MYRIP: variants seen among roughly 807,000 people sequenced by gnomAD.
The protein encoded by MYRIP is rab effector MyRIP.
Under a neutral mutation model 98.0 loss-of-function variants are expected in MYRIP, and 49 were observed. That is an observed-to-expected ratio of 0.50 (90% CI 0.40 to 0.63). The LOEUF (loss-of-function observed/expected upper bound fraction) is 0.63. Among genes scored for constraint, MYRIP ranks in the 30% least tolerant of loss-of-function variants. The pLI is 0.00. For missense variants in MYRIP, 1,004 were observed against 1,058.2 expected (o/e 0.95, Z 0.71); for synonymous variants, 404 against 409.5 (o/e 0.99, Z 0.16).
At chr3:40,160,875 C>T (rs1950376354) in intron 4 of MYRIP, among the ~76,000 whole-genome samples, 1 of 152,156 alleles carries the variant, frequency 6.6e-6, no homozygotes, top group Non-Finnish European at 1.5e-5. Flanking sequence ...ACACGGTGCG[C>T]ACACCCACTG....
intron 2 of MYRIP, among the ~76,000 whole-genome samples, chr3:40,023,725 GC>G (rs1003055819): frequency 6.6e-6 from 1 of 152,142 alleles, no homozygotes; most frequent in Admixed American, 6.5e-5. Context: ...CAAGCTTCCA[GC>G]CCCCTGTGCT....
chr3:39,873,035 T>C (rs1250432481), intron 1 of MYRIP, among the ~76,000 whole-genome samples: 1 of 152,236 alleles, frequency 6.6e-6, no homozygotes, highest in East Asian at 1.9e-4. Flanking sequence ...CCATCCTAAC[T>C]GGTGTGAGAT....
intron 2 of MYRIP, among the ~76,000 whole-genome samples, chr3:39,965,580 G>A (rs1228421315): frequency 6.6e-6 from 1 of 152,078 alleles, no homozygotes; most frequent in Non-Finnish European, 1.5e-5. Flanking sequence ...TTATTGCAAG[G>A]AATTGGCTTA....
At chr3:40,234,555 C>A (rs752723777) in intron 12 of MYRIP, among the ~76,000 whole-genome samples, 1 of 152,046 alleles carries the variant, frequency 6.6e-6, no homozygotes, top group Non-Finnish European at 1.5e-5. Flanking sequence ...GCTTAGTGGG[C>A]AGGGAGAGGA....
intron 2 of MYRIP, among the ~76,000 whole-genome samples, chr3:39,977,172 C>T (rs1294198975): frequency 6.6e-6 from 1 of 152,036 alleles, no homozygotes; most frequent in Non-Finnish European, 1.5e-5. Context: ...CTTCCCTCCT[C>T]ACGTTATCCA....
At chr3:40,130,258 G>A (rs1949609041) in intron 3 of MYRIP, among the ~76,000 whole-genome samples, 1 of 151,556 alleles carries the variant, frequency 6.6e-6, no homozygotes, top group South Asian at 2.1e-4. Context: ...CAAATTACTT[G>A]TTTTCATTTT....
chr3:39,969,203 T>G (rs1945515676), intron 2 of MYRIP, among the ~76,000 whole-genome samples: 1 of 152,200 alleles, frequency 6.6e-6, no homozygotes, highest in African/African-American at 2.4e-5. Flanking sequence ...TGAAGTTGTT[T>G]ATTGGCTGGA....
At chr3:40,051,051 C>T (rs1947785244) in intron 3 of MYRIP, among the ~76,000 whole-genome samples, 1 of 151,816 alleles carries the variant, frequency 6.6e-6, no homozygotes, top group Non-Finnish European at 1.5e-5. Flanking sequence ...GTTGAAATGA[C>T]AAAAAAATGA....
chr3:40,114,263 C>A (rs894827186), intron 3 of MYRIP, among the ~76,000 whole-genome samples: 16 of 152,108 alleles, frequency 1.1e-4, no homozygotes, highest in African/African-American at 3.6e-4. Context: ...TGTACAGTTG[C>A]CTACAGTATT....
rs926941112 is a variant in MYRIP, at chr3:39,933,246, C to T, written c.110+32320C>T. ...ATAAACTTTTATTGGAACACAGCCA[C>T]TCCACTTGTTTATGTTTTATCTATG... On this transcript the variant is annotated intron_variant, in intron 2 of 16. Coordinates refer to ENST00000302541, the MANE Select transcript of MYRIP (RefSeq NM_015460.4). Among the ~76,000 whole-genome samples, 19 of 152,306 alleles carry T rather than the reference C, an allele frequency of 1.2e-4. No individual in the cohort carries two copies. In the East Asian group the frequency reaches 3.7e-3, roughly 29 times the overall value.
chr3:40,156,059 T>A (rs1365425322), intron 4 of MYRIP, among the ~76,000 whole-genome samples: 1 of 152,098 alleles, frequency 6.6e-6, no homozygotes, highest in African/African-American at 2.4e-5. Flanking sequence ...AGACATGAAG[T>A]CCTTGCCCAT....
chr3:40,042,291 A>T (rs1280422191), intron 2 of MYRIP, among the ~76,000 whole-genome samples: 2 of 29,326 alleles, frequency 6.8e-5, no homozygotes, highest in East Asian at 6.7e-3. Context: ...GGAAGGATAA[A>T]AAAAAAAAAA....
chr3:40,117,038 C>A (rs1157350802), intron 3 of MYRIP, among the ~76,000 whole-genome samples: 3 of 152,142 alleles, frequency 2.0e-5, no homozygotes, highest in Non-Finnish European at 4.4e-5. Context: ...TGGCTGCACC[C>A]CCGGCTATAG....
chr3:39,955,507 T>C (rs1945132870), intron 2 of MYRIP, among the ~76,000 whole-genome samples: 1 of 152,118 alleles, frequency 6.6e-6, no homozygotes, highest in Admixed American at 6.5e-5. Context: ...AGGCCTGCCA[T>C]ACAAGAGCTC....
chr3:39,986,917 T>C (rs1946044994), intron 2 of MYRIP, among the ~76,000 whole-genome samples: 1 of 152,196 alleles, frequency 6.6e-6, no homozygotes, highest in South Asian at 2.1e-4. Flanking sequence ...TGTATCCTGC[T>C]TCCTTTGCTC....
chr3:39,937,044 G>T (rs537430361), intron 2 of MYRIP, among the ~76,000 whole-genome samples: 8 of 152,130 alleles, frequency 5.3e-5, no homozygotes, highest in African/African-American at 1.9e-4. Flanking sequence ...CAGAGCAGGC[G>T]TCCATGCCCA....
chr3:40,020,334 C>T (rs1946963678), intron 2 of MYRIP, among the ~76,000 whole-genome samples: 1 of 152,182 alleles, frequency 6.6e-6, no homozygotes, highest in South Asian at 2.1e-4. Context: ...ATAGAGTCAA[C>T]AAATAGTTGC....
At chr3:40,234,992 CAAA>C (rs34515561) in intron 12 of MYRIP, among the ~76,000 whole-genome samples, 13 of 111,562 alleles carry the variant, frequency 1.2e-4, no homozygotes, top group African/African-American at 1.1e-4. Context: ...GACCCTGTCT[CAAA>C]AAAAAAAAAA....
intron 2 of MYRIP, among the ~76,000 whole-genome samples, chr3:39,996,252 G>A (rs1946350946): frequency 6.6e-6 from 1 of 152,134 alleles, no homozygotes; most frequent in Non-Finnish European, 1.5e-5. Context: ...TGGATAAAGA[G>A]TCAAGACCCA....
Sources: allele counts gnomAD v4.1 joint callset (sites outside exome capture counted in the v4.1 genomes callset), GRCh38; gene constraint gnomAD v4.1.1; transcripts MANE v1.5; gene names NCBI Gene and HGNC (gene_info 2026-07-23, HGNC 2026-07-21).